Variants in CCDC150 observed in about 807,000 individuals in gnomAD.
The protein encoded by CCDC150 is coiled-coil domain containing 150.
CCDC150 carries 151 observed loss-of-function variants against 156.5 expected under a neutral mutation model. The observed-to-expected ratio is 0.97, with a 90% CI of 0.85 to 1.10. The LOEUF is 1.10. Among genes scored for constraint, CCDC150 ranks in the 50% least tolerant of loss-of-function variants. The pLI, the probability that CCDC150 is intolerant of heterozygous loss-of-function variation, is 0.00. For missense variants in CCDC150, 1,312 were observed against 1,268.1 expected, an observed-to-expected ratio of 1.03 and a Z score of -0.53; for synonymous variants, 452 against 429.4, an observed-to-expected ratio of 1.05 and a Z score of -0.65.
chr2:196,685,168 C>T (rs1695051625), intron 13 of CCDC150, among the ~76,000 whole-genome samples: 1 of 151,966 alleles, frequency 6.6e-6, no homozygotes, highest in South Asian at 2.1e-4. Flanking sequence ...TTCTAGTTCA[C>T]CATTTTAACT....
At chr2:196,664,602 G>A (rs1404472439) in intron 5 of CCDC150, among the ~76,000 whole-genome samples, 1 of 152,130 alleles carries the variant, frequency 6.6e-6, no homozygotes, top group East Asian at 1.9e-4. Context: ...TTTTATGGCG[G>A]CCTCATTACA....
chr2:196,707,386 G>T (rs1423604521), intron 15 of CCDC150, among the ~76,000 whole-genome samples: 1 of 151,960 alleles, frequency 6.6e-6, no homozygotes, highest in Admixed American at 6.6e-5. Context: ...GTGTCTATTT[G>T]ATTCTTCTCT....
intron 1 of CCDC150, among the ~76,000 whole-genome samples, chr2:196,640,892 A>G (rs1310327929): frequency 2.0e-5 from 3 of 152,222 alleles, no homozygotes; most frequent in East Asian, 1.9e-4. Flanking sequence ...TTCCTCAGCT[A>G]TAGACCTCCA....
At chr2:196,709,531 C>T (rs1025426110) in intron 15 of CCDC150, among the ~76,000 whole-genome samples, 3 of 152,180 alleles carry the variant, frequency 2.0e-5, no homozygotes, top group South Asian at 4.1e-4. Context: ...CATTCTCTGT[C>T]CAGCTTTGTT....
chr2:196,654,148 G>C (rs1693046838), intron 2 of CCDC150, among the ~76,000 whole-genome samples: 1 of 152,018 alleles, frequency 6.6e-6, no homozygotes, highest in Non-Finnish European at 1.5e-5. Flanking sequence ...TCCAACAATG[G>C]GTGTCACATT....
chr2:196,719,716 G>A lies in CCDC150; in HGVS notation c.2165+50G>A, dbSNP rs759869457. 10 of 1,348,794 alleles carry A rather than the reference G, an allele frequency of 7.4e-6. No homozygotes were observed. In the South Asian group the frequency reaches 1.9e-4, roughly 25 times the overall value. The allele number at this position is 1,348,794 out of a possible 1,614,324, so 83.6% of individuals were successfully genotyped here. A position where few individuals can be genotyped will look rare whatever the true frequency, so the allele number is the denominator to read the frequency against. Reference sequence around the variant, plus strand: ...CATTGGTATTGCTGGATTGTACTAAGGAGCAGTGTCAAGTCAATAAATGAA... The same window carrying A: ...CATTGGTATTGCTGGATTGTACTAAAGAGCAGTGTCAAGTCAATAAATGAA... On this transcript the variant is annotated intron_variant, in intron 19 of 27. Coordinates refer to ENST00000389175, the MANE Select transcript of CCDC150 (RefSeq NM_001080539.2).
At position 196,676,202 on chromosome 2, in the gene CCDC150, C is replaced by A; in HGVS notation, c.1197C>A (p.Ala399=). ...FQEQNLLLDA[A]HASITNELQT... is the part of the protein sequence containing the mutation. ...AACAAAACTTATTGCTGGATGCAGC[C>A]CATGCCAGTATCACAAATGAACTAC... Residue 399 remains alanine (A), a synonymous_variant, in exon 11 of 28, where the codon GCC becomes GCA. Transcript: ENST00000389175. 1 of 1,613,314 alleles carries A rather than the reference C, an allele frequency of 6.2e-7. No individual in the cohort carries two copies. Among genetic ancestry groups the A allele is most frequent in the Non-Finnish European group, 8.5e-7 (1 of 1,179,404 alleles).
At chr2:196,719,867 T>C (rs1697777101) in intron 19 of CCDC150, 1 of 409,706 alleles carries the variant, frequency 2.4e-6, no homozygotes. Flanking sequence ...AATGCCCCTA[T>C]TGTGTAGTGA....
chr2:196,729,121 T>A, intron 22 of CCDC150, 72 bp from the exon 23 acceptor site: 3 of 1,310,896 alleles, frequency 2.3e-6, no homozygotes, highest in Non-Finnish European at 3.1e-6. Context: ...TGATAAAATA[T>A]AAGGACAAAA....
At chr2:196,666,953 T>C in intron 7 of CCDC150, 105 bp downstream of exon 7, 1 of 1,184,904 alleles carries the variant, frequency 8.4e-7, no homozygotes, top group Non-Finnish European at 1.3e-6. Context: ...TTATTGGTAT[T>C]TCCCACAGTG....
chr2:196,706,417 G>T (rs577182623), intron 15 of CCDC150, among the ~76,000 whole-genome samples: 5 of 152,350 alleles, frequency 3.3e-5, no homozygotes, highest in African/African-American at 9.6e-5. Flanking sequence ...TTTGGGCTGA[G>T]ACAATGGGGT....
intron 13 of CCDC150, among the ~76,000 whole-genome samples, chr2:196,687,616 G>A (rs1695194011): frequency 6.6e-6 from 1 of 152,088 alleles, no homozygotes; most frequent in South Asian, 2.1e-4. Context: ...GATCCCATTT[G>A]TCAATTTTTG....
Position 196,676,717 on chromosome 2 carries a change from A to C in CCDC150, c.1426A>C (p.Arg476=). 1 of 1,612,826 alleles carries C rather than the reference A, an allele frequency of 6.2e-7. No homozygotes were observed. The highest frequency in any genetic ancestry group is 8.5e-7 in the Non-Finnish European group (1 of 1,179,214). ...EKKSLLEEKE[R]FQREVNKTEK... ...GAAGTCTCTGCTAGAGGAGAAAGAAAGATTTCAGAGGGAGGTAGGTAGAAG... is the reference window on the plus strand; with the variant it reads ...GAAGTCTCTGCTAGAGGAGAAAGAACGATTTCAGAGGGAGGTAGGTAGAAG... Residue 476 remains arginine (R), a synonymous_variant, in exon 12 of 28, where the codon AGA becomes CGA. Coordinates refer to ENST00000389175, the MANE Select transcript of CCDC150 (RefSeq NM_001080539.2).
Position 196,732,085 on chromosome 2 carries a change from G to A in CCDC150, c.3122G>A (p.Gly1041Asp), listed in dbSNP as rs528124317. 162 of 1,613,828 alleles carry A rather than the reference G, an allele frequency of 1.0e-4. 5 individuals are homozygous for A. In the South Asian group the frequency reaches 1.4e-3, roughly 14 times the overall value. ...AHRWFKHRFD[G>D]LQLELTKNRL... ...CGCTGGTTTAAGCACAGGTTTGATG[G>A]TCTACAACTTGAGCTGACAAAAAAC... Residue 1041 changes from glycine to aspartate, a missense_variant, in exon 27 of 28, where the codon GGT becomes GAT. Transcript: ENST00000389175.
chr2:196,655,393 G>T (rs1693127503), intron 2 of CCDC150, among the ~76,000 whole-genome samples: 1 of 152,152 alleles, frequency 6.6e-6, no homozygotes, highest in Non-Finnish European at 1.5e-5. Context: ...CACTAGATAA[G>T]TGGACAAACT....
intron 17 of CCDC150, chr2:196,713,663 A>G (rs1419013645): frequency 1.4e-6 from 2 of 1,410,018 alleles, no homozygotes; most frequent in Non-Finnish European, 1.9e-6. Flanking sequence ...TGAATCACCA[A>G]ATTTTCTTAA....
chr2:196,714,549 G>C (rs1697366480), intron 17 of CCDC150, among the ~76,000 whole-genome samples: 1 of 152,134 alleles, frequency 6.6e-6, no homozygotes. Context: ...TTTGTAAGTT[G>C]GTGTTAATTG....
At chr2:196,685,719 C>T (rs1695086494) in intron 13 of CCDC150, among the ~76,000 whole-genome samples, 1 of 151,792 alleles carries the variant, frequency 6.6e-6, no homozygotes, top group African/African-American at 2.4e-5. Context: ...TCATGCCATT[C>T]TCCTGCCTCA....
chr2:196,712,999 A>G lies in CCDC150; in HGVS notation c.1866+260A>G, dbSNP rs150201435. On this transcript the variant is annotated intron_variant, in intron 17 of 27. Coordinates refer to ENST00000389175, the MANE Select transcript of CCDC150 (RefSeq NM_001080539.2). Reference sequence around the variant, plus strand: ...AAAAGCATATGTAACTTCTGTGTCTATGATATTTGTGTATCTATACCCCTG... The same window carrying G: ...AAAAGCATATGTAACTTCTGTGTCTGTGATATTTGTGTATCTATACCCCTG... The G allele has an allele frequency of 3.9e-5, 20 of 511,554 alleles. No homozygotes were observed. In the East Asian group the frequency reaches 4.5e-4, roughly 12 times the overall value. The allele number at this position is 511,554 out of a possible 1,614,324, so 31.7% of individuals were successfully genotyped here.
Sources: allele counts gnomAD v4.1 joint callset (sites outside exome capture counted in the v4.1 genomes callset), GRCh38; gene constraint gnomAD v4.1.1; transcripts MANE v1.5; gene names NCBI Gene and HGNC (gene_info 2026-07-23, HGNC 2026-07-21).